Variants in PHACTR3 observed in about 807,000 individuals in gnomAD.
The protein encoded by PHACTR3 is phosphatase and actin regulator 3.
In PHACTR3, 16 loss-of-function variants were observed where a neutral mutation model predicts 66.8. That is an observed-to-expected ratio of 0.24 (90% CI 0.16 to 0.36). The LOEUF is 0.36. PHACTR3 is among the 10% of genes least tolerant of loss of function. The pLI is 1.00. For synonymous variants in PHACTR3, 323 were observed against 292.1 expected (o/e 1.11, Z -1.08); for missense variants, 647 against 719.9 (o/e 0.90, Z 1.16).
Position 59,801,099 on chromosome 20 carries a change from G to A in PHACTR3, c.1175-4942G>A, listed in dbSNP as rs1462369862. Among the ~76,000 whole-genome samples the A allele has an allele frequency of 1.1e-4, 17 of 152,240 alleles. 1 individual carries two copies. Among genetic ancestry groups the A allele is most frequent in the Admixed American group, 1.1e-3 (17 of 15,298 alleles). On this transcript the variant is annotated intron_variant, in intron 7 of 12. Transcript: ENST00000371015. ...TCAAGGGACCCTCTGCAGATCTTTG[G>A]ATCTTCTTACTATGCAACTCTCTCC... is the stretch of plus-strand genomic sequence containing the variant.
At chr20:59,681,277 C>T (rs76077279) in intron 1 of PHACTR3, among the ~76,000 whole-genome samples, 1,746 of 152,304 alleles carry the variant, frequency 0.011, 35 homozygotes, top group African/African-American at 0.039. Context: ...CACACATGTG[C>T]ACATGTGCAT....
chr20:59,785,856 C>A (rs1220300959), intron 7 of PHACTR3, among the ~76,000 whole-genome samples: 5 of 33,020 alleles, frequency 1.5e-4, no homozygotes, highest in Non-Finnish European at 8.1e-4. Context: ...CCCTCTGCAT[C>A]CCCTGCTTCT....
chr20:59,745,282 AG>A (rs1432447991), intron 2 of PHACTR3, among the ~76,000 whole-genome samples: 1 of 152,090 alleles, frequency 6.6e-6, no homozygotes, highest in Non-Finnish European at 1.5e-5. Flanking sequence ...CCGTGACCTC[AG>A]GGGGGTCTCT....
intron 11 of PHACTR3, 23 bp from the exon 12 acceptor site, chr20:59,845,166 A>C: frequency 6.9e-7 from 1 of 1,455,462 alleles, no homozygotes; most frequent in Non-Finnish European, 9.6e-7. Flanking sequence ...CCTGTAAAAC[A>C]ATGTCTTGTT....
intron 1 of PHACTR3, among the ~76,000 whole-genome samples, chr20:59,589,731 G>C (rs2033135980): frequency 6.6e-6 from 1 of 152,152 alleles, no homozygotes; most frequent in Non-Finnish European, 1.5e-5. Context: ...GGCAGAAGGA[G>C]AACATGTTTG....
At chr20:59,755,496 A>T (rs2039754274) in intron 4 of PHACTR3, 132 bp downstream of exon 4, 1 of 1,037,398 alleles carries the variant, frequency 9.6e-7, no homozygotes, top group African/African-American at 1.6e-5. Context: ...CCCGTGCTCT[A>T]AGCGCTGCCA....
intron 1 of PHACTR3, among the ~76,000 whole-genome samples, chr20:59,579,274 T>C (rs2032798699): frequency 6.6e-6 from 1 of 152,258 alleles, no homozygotes; most frequent in Non-Finnish European, 1.5e-5. Flanking sequence ...AAAATAGTTC[T>C]GCGGCCTCTG....
At chr20:59,778,916 G>A (rs2040629675) in intron 7 of PHACTR3, among the ~76,000 whole-genome samples, 1 of 152,204 alleles carries the variant, frequency 6.6e-6, no homozygotes, top group South Asian at 2.1e-4. Flanking sequence ...AGCACTCATT[G>A]TAGAAACTCA....
At chr20:59,805,986 TAA>T (rs2041554722) in intron 7 of PHACTR3, 53 bp from the exon 8 acceptor site, 1 of 1,566,526 alleles carries the variant, frequency 6.4e-7, no homozygotes, top group African/African-American at 1.4e-5. Flanking sequence ...AGCCCTCCGC[TAA>T]GACCTGTCTC....
chr20:59,730,374 G>C (rs1319273061), intron 1 of PHACTR3, among the ~76,000 whole-genome samples: 1 of 152,172 alleles, frequency 6.6e-6, no homozygotes, highest in African/African-American at 2.4e-5. Flanking sequence ...TGAGCGAGGA[G>C]GGCCATGGTG....
chr20:59,675,971 C>T (rs1018007869), intron 1 of PHACTR3, among the ~76,000 whole-genome samples: 3 of 152,232 alleles, frequency 2.0e-5, no homozygotes, highest in Non-Finnish European at 4.4e-5. Context: ...ATAAAAGGTG[C>T]ACCAAGGGTC....
intron 1 of PHACTR3, among the ~76,000 whole-genome samples, chr20:59,673,704 G>A (rs2036274621): frequency 6.6e-6 from 1 of 152,198 alleles, no homozygotes; most frequent in Admixed American, 6.5e-5. Context: ...GACTGTCTCT[G>A]GGCTGGGACA....
At chr20:59,731,712 G>A (rs960181043) in intron 1 of PHACTR3, among the ~76,000 whole-genome samples, 5 of 152,096 alleles carry the variant, frequency 3.3e-5, no homozygotes, top group African/African-American at 1.2e-4. Flanking sequence ...TTTTCCACTG[G>A]TGTCAGAGTC....
At chr20:59,594,934 A>G (rs1464314475) in intron 1 of PHACTR3, among the ~76,000 whole-genome samples, 2 of 152,128 alleles carry the variant, frequency 1.3e-5, no homozygotes, top group African/African-American at 4.8e-5. Context: ...AGTGTTATAA[A>G]TTTCACTCTA....
chr20:59,820,533 G>T lies in PHACTR3; in HGVS notation c.1328+14339G>T, dbSNP rs2042005017. 6.6e-6 allele frequency among the ~76,000 whole-genome samples: 1 copy of T among 152,170 alleles called. No individual in the cohort carries two copies. The highest frequency in any genetic ancestry group is 1.5e-5 in the Non-Finnish European group (1 of 68,034). Reference sequence around the variant, plus strand: ...ATAAATATGACGCTTCATCGTCTTGGGTGGAAGTCCCCGTGTACAGGGAGG... The same window carrying T: ...ATAAATATGACGCTTCATCGTCTTGTGTGGAAGTCCCCGTGTACAGGGAGG... On this transcript the variant is annotated intron_variant, in intron 8 of 12. Coordinates refer to ENST00000371015, the MANE Select transcript of PHACTR3 (RefSeq NM_080672.5). The surrounding 1 kb of genome is among the most constrained non-coding windows in gnomAD (Gnocchi z 4.6).
At chr20:59,686,934 GGTGATGATGGTGGTGATT>G (rs1203167808) in intron 1 of PHACTR3, among the ~76,000 whole-genome samples, 2 of 149,278 alleles carry the variant, frequency 1.3e-5, no homozygotes, top group Non-Finnish European at 3.0e-5. Flanking sequence ...TGATGATGGT[GGTGATGATGGTGGTGATT>G]GTGATGATGA....
At chr20:59,696,483 T>C (rs1395859977) in intron 1 of PHACTR3, among the ~76,000 whole-genome samples, 1 of 152,076 alleles carries the variant, frequency 6.6e-6, no homozygotes, top group Non-Finnish European at 1.5e-5. Flanking sequence ...AGGACCTGTG[T>C]CATCCCTGAG....
chr20:59,745,785 G>A (rs2039345212), intron 2 of PHACTR3, among the ~76,000 whole-genome samples: 1 of 152,230 alleles, frequency 6.6e-6, no homozygotes, highest in Non-Finnish European at 1.5e-5. Context: ...GATCCACTCA[G>A]CCATTTACAC....
At chr20:59,719,623 C>G (rs1223769712) in intron 1 of PHACTR3, among the ~76,000 whole-genome samples, 1 of 152,158 alleles carries the variant, frequency 6.6e-6, no homozygotes, top group Non-Finnish European at 1.5e-5. Flanking sequence ...ATGGAACATG[C>G]AACCCCTAGC....
Sources: allele counts gnomAD v4.1 joint callset (sites outside exome capture counted in the v4.1 genomes callset), GRCh38; gene constraint gnomAD v4.1.1; non-coding constraint Gnocchi (gnomAD v3.1); transcripts MANE v1.5; gene names NCBI Gene and HGNC (gene_info 2026-07-23, HGNC 2026-07-21).